The following ATXN1 variants were observed in gnomAD, a reference collection of about 807,000 sequenced individuals.
ATXN1 encodes the protein ataxin 1.
ATXN1 carries 8 observed loss-of-function variants against 56.4 expected under a neutral mutation model. The ratio of observed to expected loss-of-function variants is 0.14; its 90% confidence interval spans 0.08 to 0.26. ATXN1 has a LOEUF of 0.26. Among genes scored for constraint, ATXN1 ranks in the 10% least tolerant of loss-of-function variants. The pLI, the probability that ATXN1 is intolerant of heterozygous loss-of-function variation, is 1.00. For synonymous variants in ATXN1, 514 were observed against 494.6 expected, an observed-to-expected ratio of 1.04 and a Z score of -0.52; for missense variants, 987 against 1,106.5, an observed-to-expected ratio of 0.89 and a Z score of 1.53.
chr6:16,327,032 C>T lies in ATXN1; in HGVS notation c.1279G>A (p.Ala427Thr), dbSNP rs768556745. 1.2e-5 allele frequency: 19 copies of T among 1,614,072 alleles called. No individual in the cohort carries two copies. Among genetic ancestry groups the T allele is most frequent in the East Asian group, 4.5e-5 (2 of 44,874 alleles). The change falls in exon 7 of 8, where the codon GCG (alanine) becomes ACG (threonine). Residue 427 changes from alanine (A) to threonine (T), a missense_variant. Around this residue, in one of 3 missense-constraint regions of ATXN1, gnomAD observed 723 missense variants for 791.7 expected, o/e 0.91. Transcript: ENST00000436367. ...TGAATGACCGTGTGGGGTGAGAGCGCGTAGGACCGGTGGCCAGGCTTCCCT... is the reference window on the plus strand; with the variant it reads ...TGAATGACCGTGTGGGGTGAGAGCGTGTAGGACCGGTGGCCAGGCTTCCCT... Reference protein sequence around the residue: ...HLGKPGHRSYALSPHTVIQTT... With the variant: ...HLGKPGHRSYTLSPHTVIQTT...
At chr6:16,602,952 A>C (rs1762938672) in intron 3 of ATXN1, among the ~76,000 whole-genome samples, 1 of 152,204 alleles carries the variant, frequency 6.6e-6, no homozygotes, top group Admixed American at 6.5e-5. Context: ...TCATAATATA[A>C]TGTAATGTAA....
At chr6:16,698,323 A>G (rs1037078164) in intron 2 of ATXN1, among the ~76,000 whole-genome samples, 2 of 152,214 alleles carry the variant, frequency 1.3e-5, no homozygotes, top group African/African-American at 4.8e-5. Flanking sequence ...AGAGCAGCTC[A>G]TAGTACCAAC....
chr6:16,620,860 A>ACTAC (rs1763308074), intron 3 of ATXN1, among the ~76,000 whole-genome samples: 1 of 152,154 alleles, frequency 6.6e-6, no homozygotes, highest in African/African-American at 2.4e-5. Context: ...GTCCCACAGG[A>ACTAC]CTACACTCTC....
intron 2 of ATXN1, chr6:16,738,459 A>T (rs1451828450): frequency 6.6e-6 from 1 of 152,212 alleles, no homozygotes; most frequent in African/African-American, 2.4e-5. Flanking sequence ...GAAAAAAGGT[A>T]ATCTGTTTCA....
chr6:16,737,709 C>G (rs1324770201), intron 2 of ATXN1: 1 of 152,096 alleles, frequency 6.6e-6, no homozygotes, highest in East Asian at 1.9e-4. Context: ...AGAATTTTAG[C>G]TGAGCAAGAT....
At chr6:16,744,220 C>T (rs1299377403) in intron 2 of ATXN1, among the ~76,000 whole-genome samples, 2 of 152,116 alleles carry the variant, frequency 1.3e-5, no homozygotes, top group Non-Finnish European at 2.9e-5. Context: ...AAGTTGTTCC[C>T]AACCTTCCAC....
chr6:16,706,758 C>A (rs633586), intron 2 of ATXN1, among the ~76,000 whole-genome samples: 125,706 of 150,200 alleles, frequency 0.84, 52,870 homozygotes, highest in East Asian at 1. Flanking sequence ...AGAAAGAGGA[C>A]CCTGAGAGGG....
At chr6:16,737,457 A>T (rs1309828673) in intron 2 of ATXN1, 1 of 152,244 alleles carries the variant, frequency 6.6e-6, no homozygotes, top group Non-Finnish European at 1.5e-5. Flanking sequence ...AACTTTAGTA[A>T]GTGATGCCAA....
At chr6:16,473,980 T>A (rs1760273712) in intron 6 of ATXN1, among the ~76,000 whole-genome samples, 1 of 152,206 alleles carries the variant, frequency 6.6e-6, no homozygotes, top group Non-Finnish European at 1.5e-5. Flanking sequence ...CATGTCAACA[T>A]CCTGCTTAAA....
intron 4 of ATXN1, among the ~76,000 whole-genome samples, chr6:16,547,683 C>T (rs1053362209): frequency 3.3e-5 from 5 of 152,082 alleles, no homozygotes; most frequent in South Asian, 2.1e-4. Flanking sequence ...GGTGGCTTTC[C>T]GGATATCTTT....
chr6:16,394,245 C>G (rs1758411334), intron 6 of ATXN1, among the ~76,000 whole-genome samples: 1 of 152,196 alleles, frequency 6.6e-6, no homozygotes, highest in African/African-American at 2.4e-5. Context: ...CATCTTAACA[C>G]TCCTTCCCGG....
At chr6:16,684,583 A>G (rs968242867) in intron 2 of ATXN1, among the ~76,000 whole-genome samples, 1 of 152,156 alleles carries the variant, frequency 6.6e-6, no homozygotes, top group Non-Finnish European at 1.5e-5. Context: ...GGCTCAGAGA[A>G]CTTCGGTTAT....
chr6:16,574,348 G>C (rs1042383218), intron 4 of ATXN1, among the ~76,000 whole-genome samples: 1 of 152,244 alleles, frequency 6.6e-6, no homozygotes, highest in African/African-American at 2.4e-5. Flanking sequence ...TGGGATTACA[G>C]GCATGCGCCA....
intron 2 of ATXN1, among the ~76,000 whole-genome samples, chr6:16,684,938 A>T (rs1432627746): frequency 6.6e-6 from 1 of 152,020 alleles, no homozygotes; most frequent in Non-Finnish European, 1.5e-5. Flanking sequence ...GAAACAAATC[A>T]GAAGCACAAG....
chr6:16,736,526 C>G (rs886104076), intron 2 of ATXN1, among the ~76,000 whole-genome samples: 1 of 152,154 alleles, frequency 6.6e-6, no homozygotes, highest in African/African-American at 2.4e-5. Context: ...ATCTTAGAAA[C>G]TTAAAGTTGT....
intron 6 of ATXN1, among the ~76,000 whole-genome samples, chr6:16,398,614 ATGTG>A (rs1183589220): frequency 1.3e-5 from 2 of 152,198 alleles, no homozygotes; most frequent in Admixed American, 1.3e-4. Context: ...GTGAGTGTGT[ATGTG>A]TGTGTCTAGT....
At chr6:16,396,458 T>TTCTTGTAC in intron 6 of ATXN1, among the ~76,000 whole-genome samples, 1 of 152,122 alleles carries the variant, frequency 6.6e-6, no homozygotes, top group East Asian at 1.9e-4. Flanking sequence ...AAAGAAAATA[T>TTCTTGTAC]TCTTGTACAG....
intron 6 of ATXN1, among the ~76,000 whole-genome samples, chr6:16,482,771 T>C (rs1175184325): frequency 2.6e-5 from 4 of 152,220 alleles, no homozygotes; most frequent in African/African-American, 9.6e-5. Context: ...AAGGGTTTCA[T>C]GGTAGTGAAA....
chr6:16,602,814 T>G (rs942831894), intron 3 of ATXN1, among the ~76,000 whole-genome samples: 1 of 152,216 alleles, frequency 6.6e-6, no homozygotes, highest in African/African-American at 2.4e-5. Context: ...AAGCTTCTTT[T>G]GCTTCCTATG....
Sources: gnomAD v4.1 joint callset for allele counts (sites outside exome capture counted in the v4.1 genomes callset) on GRCh38, gnomAD v4.1.1 for gene constraint, gnomAD v4.1.1 regional missense constraint, MANE v1.5 for transcripts, NCBI Gene and HGNC (gene_info 2026-07-23, HGNC 2026-07-21) for gene names.